Variants in PLOD2 observed in about 807,000 individuals in gnomAD.
PLOD2 encodes procollagen-lysine,2-oxoglutarate 5-dioxygenase 2, also known as lysine hydroxylase 2.
Under a neutral mutation model 101.0 loss-of-function variants are expected in PLOD2, and 65 were observed. The observed-to-expected ratio is 0.64, with a 90% CI of 0.53 to 0.79. The LOEUF (loss-of-function observed/expected upper bound fraction) is 0.79, where lower values mean the gene tolerates loss of function less well. PLOD2 is among the 30% of genes least tolerant of loss of function. The probability of loss-of-function intolerance (pLI) is 0.00; values close to 1 mark genes in which losing one functional copy is unlikely to be tolerated. For missense variants in PLOD2, 909 were observed against 914.6 expected (o/e 0.99, Z 0.08); for synonymous variants, 314 against 302.9 (o/e 1.04, Z -0.38).
At chr3:146,142,066 A>C (rs1382121232) in intron 1 of PLOD2, among the ~76,000 whole-genome samples, 1 of 152,104 alleles carries the variant, frequency 6.6e-6, no homozygotes, top group African/African-American at 2.4e-5. Flanking sequence ...CTAACCATAC[A>C]TCTACTGTAT....
In PLOD2 at chr3:146,091,870, G is replaced by A. The variant is rs1165178713; in HGVS notation, c.809C>T (p.Pro270Leu). The stretch of plus-strand genomic sequence containing the variant: ...GCCATTATCCTGTGTCCATGAATTG[G>A]GTACATAGTTTCCAAAATAATTCAG... ...ILLNYFGNYV[P>L]NSWTQDNGCT... is the part of the protein sequence containing the mutation. The change falls in exon 8 of 20, where the codon CCC becomes CTC. Residue 270 changes from proline (P) to leucine (L), a missense_variant. Physicochemically the swap from Pro to Leu is moderately conservative, Grantham distance 98. Coordinates refer to ENST00000282903, the MANE Select transcript of PLOD2 (RefSeq NM_182943.3). The A allele has an allele frequency of 1.1e-5, 18 of 1,603,588 alleles. No homozygotes were observed. Among genetic ancestry groups the A allele is most frequent in the Non-Finnish European group, 1.5e-5 (18 of 1,170,918 alleles).
intron 8 of PLOD2, among the ~76,000 whole-genome samples, chr3:146,091,519 T>A (rs1387553556): frequency 6.6e-6 from 1 of 151,892 alleles, no homozygotes; most frequent in Non-Finnish European, 1.5e-5. Context: ...TTGACTAAGC[T>A]AACAGAATAA....
chr3:146,079,277 A>T lies in PLOD2; in HGVS notation c.1359-20T>A. The T allele has an allele frequency of 6.4e-7, 1 of 1,571,496 alleles. No individual in the cohort carries two copies. The highest frequency in any genetic ancestry group is 2.2e-5 in the East Asian group (1 of 44,494). ...ACTCCTCTGAAAGTAAAGAGAAGAC[A>T]TTCTTATATACCACAAATACAAACA... On this transcript the variant is annotated intron_variant, in intron 12 of 19. Transcript: ENST00000282903.
At chr3:146,155,356 C>T (rs1355268777) in intron 1 of PLOD2, among the ~76,000 whole-genome samples, 1 of 145,466 alleles carries the variant, frequency 6.9e-6, no homozygotes, top group Non-Finnish European at 1.5e-5. Flanking sequence ...AATTAAATAA[C>T]AGTCTCTATA....
intron 1 of PLOD2, among the ~76,000 whole-genome samples, chr3:146,139,933 T>A (rs924468947): frequency 6.6e-6 from 1 of 152,096 alleles, no homozygotes; most frequent in African/African-American, 2.4e-5. Flanking sequence ...ATTCAACTAA[T>A]TCCTAGCTAC....
chr3:146,077,950 A>C (rs778098292), intron 13 of PLOD2, 26 bp from the exon 14 acceptor site: 4 of 1,346,142 alleles, frequency 3.0e-6, no homozygotes, highest in Non-Finnish European at 4.3e-6. Context: ...GCATTGGGTA[A>C]GTTGACCTGT....
intron 1 of PLOD2, among the ~76,000 whole-genome samples, chr3:146,128,832 T>C (rs960612926): frequency 6.7e-6 from 1 of 150,222 alleles, no homozygotes; most frequent in Non-Finnish European, 1.5e-5. Flanking sequence ...TTTGCTAATA[T>C]ATCCTGTCAC....
In PLOD2 at chr3:146,084,069, C is replaced by T. The variant is rs185805278; in HGVS notation, c.1232+1100G>A. Among the ~76,000 whole-genome samples the T allele has an allele frequency of 3.1e-3, 470 of 151,776 alleles. 3 individuals carry two copies. Among genetic ancestry groups the T allele is most frequent in the Admixed American group, 8.6e-3 (131 of 15,270 alleles). On this transcript the variant is annotated intron_variant, in intron 11 of 19. Transcript: ENST00000282903. ...GCATTACACACTATAGCATTTCAAT[C>T]AAATTAAGAGAAAACAATGCAAATT...
chr3:146,145,682 T>C (rs932161584), intron 1 of PLOD2, among the ~76,000 whole-genome samples: 2 of 152,118 alleles, frequency 1.3e-5, no homozygotes, highest in Non-Finnish European at 2.9e-5. Context: ...GTCCACAAAG[T>C]TTTCTTTTGT....
intron 9 of PLOD2, among the ~76,000 whole-genome samples, chr3:146,087,348 TAAACTTAAATA>T (rs1936814984): frequency 2.6e-5 from 4 of 151,926 alleles, no homozygotes; most frequent in African/African-American, 9.7e-5. Context: ...ATCTGAGTTA[TAAACTTAAATA>T]ATCACATTTT....
rs892370992 is a variant in PLOD2 at position 146,079,031 on chromosome 3, G to C, written c.1500+85C>G. Reference sequence around the variant, plus strand: ...AGTACTTACAAATTAGCAAGACAAAGGGCATCAAAACACAGTGACACACCA... The same window carrying C: ...AGTACTTACAAATTAGCAAGACAAACGGCATCAAAACACAGTGACACACCA... On this transcript the variant is annotated intron_variant, in intron 13 of 19. Coordinates refer to ENST00000282903, the MANE Select transcript of PLOD2 (RefSeq NM_182943.3). 1.8e-5 allele frequency: 24 copies of C among 1,364,772 alleles called. No individual in the cohort carries two copies. The African/African-American group carries it at 2.6e-4, about 15-fold the overall frequency. The allele number at this position is 1,364,772 out of a possible 1,614,324, so 84.5% of individuals were successfully genotyped here. A position where few individuals can be genotyped will look rare whatever the true frequency, so the allele number is the denominator to read the frequency against.
chr3:146,099,506 C>T (rs1039061908), intron 7 of PLOD2, among the ~76,000 whole-genome samples: 14 of 152,002 alleles, frequency 9.2e-5, no homozygotes, highest in African/African-American at 2.9e-4. Context: ...AAGCGATTCT[C>T]GTGCCTCAGC....
intron 10 of PLOD2, chr3:146,085,527 T>C: frequency 1.9e-6 from 1 of 519,038 alleles, no homozygotes; most frequent in Middle Eastern, 5.0e-4. Context: ...AGCCAGTAAA[T>C]ATTTTAAGGC....
chr3:146,088,920 T>C (rs1936880454), intron 8 of PLOD2: 1 of 543,844 alleles, frequency 1.8e-6, no homozygotes. Flanking sequence ...CTGAATCCCA[T>C]CTTGGTTATG....
At chr3:146,144,717 G>T (rs1209678052) in intron 1 of PLOD2, among the ~76,000 whole-genome samples, 2 of 151,974 alleles carry the variant, frequency 1.3e-5, no homozygotes, top group Non-Finnish European at 2.9e-5. Context: ...ATGGCTTGAA[G>T]AATATTCAAT....
intron 1 of PLOD2, among the ~76,000 whole-genome samples, chr3:146,149,294 T>C (rs2108137979): frequency 6.6e-6 from 1 of 152,344 alleles, no homozygotes; most frequent in South Asian, 2.1e-4. Flanking sequence ...TGGGATATTC[T>C]GAGAATTATT....
At chr3:146,140,569 A>ATG (rs2031473850) in intron 1 of PLOD2, among the ~76,000 whole-genome samples, 1 of 152,118 alleles carries the variant, frequency 6.6e-6, no homozygotes, top group Non-Finnish European at 1.5e-5. Flanking sequence ...AAACTATACT[A>ATG]TGTGTGCTTT....
intron 3 of PLOD2, among the ~76,000 whole-genome samples, chr3:146,111,859 T>C (rs1300285399): frequency 1.3e-5 from 2 of 151,878 alleles, no homozygotes; most frequent in Admixed American, 6.6e-5. Flanking sequence ...TTTTTTTTAA[T>C]AATGAAGACT....
chr3:146,095,698 C>T (rs527703832), intron 7 of PLOD2, among the ~76,000 whole-genome samples: 2 of 152,232 alleles, frequency 1.3e-5, no homozygotes, highest in East Asian at 3.9e-4. Context: ...CCAGTAATCT[C>T]ATTACAGGGT....
Sources: allele counts gnomAD v4.1 joint callset (sites outside exome capture counted in the v4.1 genomes callset), GRCh38; gene constraint gnomAD v4.1.1; transcripts MANE v1.5; gene names NCBI Gene and HGNC (gene_info 2026-07-23, HGNC 2026-07-21).